GTF2H3: variants seen among roughly 807,000 people sequenced by gnomAD.
The protein encoded by GTF2H3 is TFIIH basal transcription factor complex p34 subunit.
Under a neutral mutation model 51.1 loss-of-function variants are expected in GTF2H3, and 42 were observed. The ratio of observed to expected loss-of-function variants is 0.82; its 90% confidence interval spans 0.64 to 1.06. The LOEUF is 1.06. GTF2H3 is among the 50% of genes least tolerant of loss of function. The pLI, the probability that GTF2H3 is intolerant of heterozygous loss-of-function variation, is 0.00. For missense variants in GTF2H3, 326 were observed against 366.1 expected, an observed-to-expected ratio of 0.89 and a Z score of 0.89; for synonymous variants, 123 against 123.8, an observed-to-expected ratio of 0.99 and a Z score of 0.04.
chr12:123,642,682 C>T (rs944022477), intron 2 of GTF2H3, among the ~76,000 whole-genome samples: 1 of 152,162 alleles, frequency 6.6e-6, no homozygotes, highest in African/African-American at 2.4e-5. Flanking sequence ...GATCCACTTC[C>T]ACCCCTTCCC....
chr12:123,647,696 A>G (rs1008509764), intron 3 of GTF2H3, among the ~76,000 whole-genome samples: 2 of 152,244 alleles, frequency 1.3e-5, no homozygotes, highest in Non-Finnish European at 2.9e-5. Context: ...CACACTTTTC[A>G]GAAAACACTG....
rs11316749 is a variant in GTF2H3 at position 123,635,572 on chromosome 12, C to CAA, written c.13+1719_13+1720dup. On this transcript the variant is annotated intron_variant, in intron 1 of 12. Transcript: ENST00000543341. ...TGGGCGACAGAGCAAGTCTCCGTCG[C>CAA]AAAAAAAAAAAAAAAAAAAAGGTAG... 1.4e-3 allele frequency among the ~76,000 whole-genome samples: 122 copies of CAA among 85,338 alleles called. 2 individuals are homozygous for CAA. The highest frequency in any genetic ancestry group is 3.9e-3 in the African/African-American group (91 of 23,064). The allele number at this position is 85,338 out of a possible 152,430, so 56.0% of individuals were successfully genotyped here.
At chr12:123,650,890 G>A (rs1291014008) in intron 4 of GTF2H3, 104 bp from the exon 5 acceptor site, 7 of 695,020 alleles carry the variant, frequency 1.0e-5, no homozygotes, top group Non-Finnish European at 1.6e-5. Context: ...CATTTATGAA[G>A]AATGCTTTGG....
rs189511157 is a variant in GTF2H3 at position 123,651,260 on chromosome 12, G to A, written c.427+204G>A. On this transcript the variant is annotated intron_variant, in intron 5 of 12. Transcript: ENST00000543341. ...CAGTCTCACTCTGTCGCCCAAGTTG[G>A]AGTGCAGTGGCACAATCTCGGCTCA... is the stretch of plus-strand genomic sequence containing the variant. 2.0e-3 allele frequency: 804 copies of A among 411,768 alleles called. 7 individuals are homozygous for A. In the Admixed American group the frequency reaches 0.02, roughly 10 times the overall value. 25.5% of individuals were successfully genotyped at this position (411,768 alleles called of 1,614,324 possible).
rs184586885 is a variant in GTF2H3, at chr12:123,642,066, C to T, written c.93+2723C>T. On this transcript the variant is annotated intron_variant, in intron 2 of 12. Transcript: ENST00000543341. ...ACAGGGTTTCACCATATTGGTCAGG[C>T]TGATCTCTAATTCCTGACCTCAAGT... 3.9e-4 allele frequency among the ~76,000 whole-genome samples: 60 copies of T among 152,126 alleles called. 1 individual carries two copies. Among genetic ancestry groups the T allele is most frequent in the African/African-American group, 1.3e-3 (55 of 41,522 alleles).
intron 8 of GTF2H3, 94 bp downstream of exon 8, chr12:123,655,092 G>T: frequency 2.1e-6 from 2 of 930,786 alleles, no homozygotes; most frequent in East Asian, 2.4e-5. Context: ...TTCTGACTAC[G>T]TAGGCTTATG....
chr12:123,639,817 A>G lies in GTF2H3; in HGVS notation c.93+474A>G, dbSNP rs57056482. ...TGACATTTTACATAATGATAGTACAATTTTGAAACTATCAGTGCAATCTAC... is the reference window on the plus strand; with the variant it reads ...TGACATTTTACATAATGATAGTACAGTTTTGAAACTATCAGTGCAATCTAC... On this transcript the variant is annotated intron_variant, in intron 2 of 12. Coordinates refer to ENST00000543341, the MANE Select transcript of GTF2H3 (RefSeq NM_001516.5). 1,932 of 337,320 alleles carry G rather than the reference A, an allele frequency of 5.7e-3. 34 individuals carry two copies. The highest frequency in any genetic ancestry group is 0.036 in the African/African-American group (1,713 of 47,518). The allele number at this position is 337,320 out of a possible 1,614,324, so 20.9% of individuals were successfully genotyped here. A position where few individuals can be genotyped will look rare whatever the true frequency, so the allele number is the denominator to read the frequency against.
chr12:123,639,407 TA>T (rs1566223628), intron 2 of GTF2H3, 64 bp downstream of exon 2: 3 of 781,554 alleles, frequency 3.8e-6, no homozygotes, highest in South Asian at 3.1e-5. Context: ...ATTGCTTTTT[TA>T]AAAAATGGCT....
intron 12 of GTF2H3, 29 bp downstream of exon 12, chr12:123,660,111 C>T (rs1326800903): frequency 6.2e-7 from 1 of 1,607,834 alleles, no homozygotes; most frequent in Admixed American, 1.7e-5. Flanking sequence ...GTGTGGGTGG[C>T]TAATACTTCA....
In GTF2H3 at chr12:123,639,323, C is replaced by T; in HGVS notation, c.73C>T (p.Gln25Ter). The change falls in exon 2 of 13, where the codon CAA becomes TAA. Residue 25 changes from glutamine to a stop codon, truncating the protein, a stop_gained. Coordinates refer to ENST00000543341, the MANE Select transcript of GTF2H3 (RefSeq NM_001516.5). LOFTEE classifies it high-confidence loss of function. ...TGCCAACCCAATTTGGTGGGGAAAG[C>T]AAGCATTAAAGGAATCTCAGGTAAG... is the stretch of plus-strand genomic sequence containing the variant. ...VDANPIWWGK[Q>*]ALKESQFTLS... 6.3e-7 allele frequency: 1 copy of T among 1,580,020 alleles called. No homozygotes were observed. The highest frequency in any genetic ancestry group is 8.7e-7 in the Non-Finnish European group (1 of 1,149,032).
At chr12:123,653,597 C>T (rs948869122) in intron 7 of GTF2H3, among the ~76,000 whole-genome samples, 4 of 150,812 alleles carry the variant, frequency 2.7e-5, no homozygotes, top group South Asian at 2.1e-4. Context: ...TGCAGTGAGC[C>T]GAGATTGCGC....
chr12:123,643,581 G>C (rs984094597), intron 2 of GTF2H3, among the ~76,000 whole-genome samples: 2 of 152,066 alleles, frequency 1.3e-5, no homozygotes, highest in African/African-American at 4.8e-5. Flanking sequence ...GTATTTCGTG[G>C]CCATTTGTAT....
At chr12:123,659,982 A>C in intron 11 of GTF2H3, 52 bp downstream of exon 11, 1 of 1,602,278 alleles carries the variant, frequency 6.2e-7, no homozygotes, top group Non-Finnish European at 8.5e-7. Flanking sequence ...GGGGCAGGAA[A>C]ACAGTTTCTC....
chr12:123,644,958 A>G (rs532687180), intron 2 of GTF2H3, among the ~76,000 whole-genome samples: 7 of 152,384 alleles, frequency 4.6e-5, no homozygotes, highest in Admixed American at 1.3e-4. Context: ...ATGATCTCAT[A>G]TAAGTACAAT....
chr12:123,656,348 A>T (rs1381333597), intron 9 of GTF2H3, among the ~76,000 whole-genome samples: 1 of 152,228 alleles, frequency 6.6e-6, no homozygotes, highest in Admixed American at 6.5e-5. Flanking sequence ...CATTATGTAT[A>T]CAGACTCTTG....
chr12:123,656,262 G>T, intron 9 of GTF2H3: 1 of 161,318 alleles, frequency 6.2e-6, no homozygotes, highest in Non-Finnish European at 1.4e-5. Flanking sequence ...TGCTTCAAAG[G>T]CTCTGAGATT....
chr12:123,655,270 G>A (rs1416079177), intron 8 of GTF2H3, among the ~76,000 whole-genome samples: 1 of 152,150 alleles, frequency 6.6e-6, no homozygotes, highest in Non-Finnish European at 1.5e-5. Context: ...TGGACCCCAT[G>A]CCAAGAATCC....
chr12:123,645,560 A>G lies in GTF2H3; in HGVS notation c.199A>G (p.Ser67Gly). ...LAVIASHIQE[S>G]RFLYPGKNGR... The stretch of plus-strand genomic sequence containing the variant: ...TGTGATAGCAAGTCACATTCAAGAA[A>G]GGTATGACCATTGTGATTGCTTTTG... Residue 67 changes from serine to glycine, a missense_variant and splice_region_variant, in exon 3 of 13, where the codon AGC (serine) becomes GGC (glycine). Transcript: ENST00000543341. 6.7e-7 allele frequency: 1 copy of G among 1,503,486 alleles called. No individual in the cohort carries two copies. Among genetic ancestry groups the G allele is most frequent in the Non-Finnish European group, 9.3e-7 (1 of 1,079,372 alleles). 93.1% of individuals were successfully genotyped at this position (1,503,486 alleles called of 1,614,324 possible).
Position 123,633,846 on chromosome 12 carries a change from G to A in GTF2H3, c.-14G>A. 1.2e-6 allele frequency: 2 copies of A among 1,613,064 alleles called. No individual in the cohort carries two copies. The highest frequency in any genetic ancestry group is 1.7e-6 in the Non-Finnish European group (2 of 1,180,000). ...TGACCACCACTTGCTCTGCGCTGAGGTGCTGGGACAGCCATGGTTTCAGAC... is the reference window on the plus strand; with the variant it reads ...TGACCACCACTTGCTCTGCGCTGAGATGCTGGGACAGCCATGGTTTCAGAC... On this transcript the variant is annotated 5_prime_UTR_variant, in exon 1 of 13. It adds an upstream start codon to the 5' untranslated region. Coordinates refer to ENST00000543341, the MANE Select transcript of GTF2H3 (RefSeq NM_001516.5).
Sources: allele counts gnomAD v4.1 joint callset (sites outside exome capture counted in the v4.1 genomes callset), GRCh38; gene constraint gnomAD v4.1.1; transcripts MANE v1.5; gene names NCBI Gene and HGNC (gene_info 2026-07-23, HGNC 2026-07-21).